Variants in CDH7 observed in about 807,000 individuals in gnomAD.
CDH7 encodes the protein cadherin 7, also known as cadherin-7.
In CDH7, 25 loss-of-function variants were observed where a neutral mutation model predicts 71.8. That is an observed-to-expected ratio of 0.35 (90% CI 0.25 to 0.49). CDH7 has a LOEUF of 0.49. Ranked by LOEUF, CDH7 falls within the 20% of genes least tolerant of loss-of-function variation. CDH7 has a pLI of 0.99. For missense variants in CDH7, 862 were observed against 974.6 expected, an observed-to-expected ratio of 0.88 and a Z score of 1.54; for synonymous variants, 381 against 363.8, an observed-to-expected ratio of 1.05 and a Z score of -0.54.
At chr18:65,831,716 T>A (rs1912355492) in intron 6 of CDH7, among the ~76,000 whole-genome samples, 1 of 152,050 alleles carries the variant, frequency 6.6e-6, no homozygotes, top group Non-Finnish European at 1.5e-5. Flanking sequence ...AATTTCCATA[T>A]TCTTTCCCTA....
intron 6 of CDH7, among the ~76,000 whole-genome samples, chr18:65,835,214 A>G (rs1195316243): frequency 1.3e-5 from 2 of 152,128 alleles, no homozygotes; most frequent in African/African-American, 4.8e-5. Flanking sequence ...ACATGTCATC[A>G]TTTCTGCCAC....
At chr18:65,850,605 T>C (rs1307176791) in intron 7 of CDH7, among the ~76,000 whole-genome samples, 1 of 139,092 alleles carries the variant, frequency 7.2e-6, no homozygotes, top group Non-Finnish European at 1.6e-5. Context: ...ATTATTATTA[T>C]TATTATTATT....
intron 2 of CDH7, among the ~76,000 whole-genome samples, chr18:65,789,475 GT>G (rs35493014): frequency 4.1e-5 from 6 of 146,900 alleles, no homozygotes; most frequent in East Asian, 2.0e-4. Flanking sequence ...TTTTTTGTTT[GT>G]TTTTTTTTGT....
chr18:65,817,373 C>T (rs560341941), intron 4 of CDH7, among the ~76,000 whole-genome samples: 88 of 152,246 alleles, frequency 5.8e-4, no homozygotes, highest in South Asian at 1.2e-3. Flanking sequence ...AGAACATCCC[C>T]TACAGGTTGC....
rs182075797 is a variant in CDH7, at chr18:65,825,674, C to G, written c.981+843C>G. On this transcript the variant is annotated intron_variant, in intron 6 of 11. Coordinates refer to ENST00000397968, the MANE Select transcript of CDH7 (RefSeq NM_004361.5). ...CCAGTGTATAACTTTGTAATTAATACTTTTCAATAATTAGCACATATCAAT... is the reference window on the plus strand; with the variant it reads ...CCAGTGTATAACTTTGTAATTAATAGTTTTCAATAATTAGCACATATCAAT... 4.0e-5 allele frequency among the ~76,000 whole-genome samples: 6 copies of G among 151,828 alleles called. No homozygotes were observed. In the East Asian group the frequency reaches 9.7e-4, roughly 24 times the overall value.
intron 10 of CDH7, among the ~76,000 whole-genome samples, chr18:65,860,793 C>G (rs945028273): frequency 6.6e-6 from 1 of 152,124 alleles, no homozygotes; most frequent in Non-Finnish European, 1.5e-5. Context: ...AAGCCATCAC[C>G]TTATTTAGTG....
chr18:65,771,737 A>G (rs1916549400), intron 2 of CDH7, among the ~76,000 whole-genome samples: 1 of 151,744 alleles, frequency 6.6e-6, no homozygotes, highest in Admixed American at 6.6e-5. Context: ...AATTTTACCC[A>G]CGTTTGCTTC....
At chr18:65,846,433 G>C (rs1912937785) in intron 7 of CDH7, among the ~76,000 whole-genome samples, 1 of 152,108 alleles carries the variant, frequency 6.6e-6, no homozygotes, top group African/African-American at 2.4e-5. Flanking sequence ...TTTGTCCCCA[G>C]TGAATTAAAA....
chr18:65,848,058 T>C (rs751953688), intron 7 of CDH7, among the ~76,000 whole-genome samples: 1 of 152,074 alleles, frequency 6.6e-6, no homozygotes, highest in Non-Finnish European at 1.5e-5. Context: ...TATCATATCA[T>C]GTAAATTTTG....
At chr18:65,860,946 C>G (rs908765644) in intron 10 of CDH7, among the ~76,000 whole-genome samples, 9 of 152,158 alleles carry the variant, frequency 5.9e-5, no homozygotes, top group African/African-American at 2.2e-4. Context: ...ACCTGGGTAA[C>G]TCCAGACTCA....
intron 1 of CDH7, among the ~76,000 whole-genome samples, chr18:65,760,382 C>T (rs1916156569): frequency 6.6e-6 from 1 of 152,134 alleles, no homozygotes; most frequent in Non-Finnish European, 1.5e-5. Flanking sequence ...ACAGTCTTTA[C>T]TGGTAACTAA....
intron 2 of CDH7, among the ~76,000 whole-genome samples, chr18:65,802,351 C>T (rs1911153496): frequency 6.6e-6 from 1 of 152,074 alleles, no homozygotes; most frequent in South Asian, 2.1e-4. Context: ...TATTTGGGTT[C>T]AACAGACATG....
At chr18:65,855,389 CA>C (rs1913318141) in intron 7 of CDH7, among the ~76,000 whole-genome samples, 1 of 147,798 alleles carries the variant, frequency 6.8e-6, no homozygotes. Flanking sequence ...ATATTAAGAA[CA>C]AAAGAGGAGA....
At chr18:65,863,061 G>A (rs541617377) in intron 11 of CDH7, 144 bp downstream of exon 11, 4 of 888,820 alleles carry the variant, frequency 4.5e-6, no homozygotes, top group East Asian at 5.2e-5. Flanking sequence ...TCTTTGAGAC[G>A]GGGTCTCACT....
chr18:65,836,621 C>G (rs1912541120), intron 6 of CDH7, among the ~76,000 whole-genome samples: 1 of 151,912 alleles, frequency 6.6e-6, no homozygotes, highest in South Asian at 2.1e-4. Context: ...TGGTAATAAT[C>G]CATTTGCAAG....
intron 6 of CDH7, among the ~76,000 whole-genome samples, chr18:65,841,740 C>T (rs1189830228): frequency 6.6e-6 from 1 of 152,032 alleles, no homozygotes; most frequent in African/African-American, 2.4e-5. Flanking sequence ...GACGAGCCTT[C>T]TAAAAATATA....
chr18:65,830,729 T>C (rs527693500), intron 6 of CDH7, among the ~76,000 whole-genome samples: 86 of 147,668 alleles, frequency 5.8e-4, no homozygotes, highest in African/African-American at 1.8e-3. Context: ...CTCTCTCTCT[T>C]TCTTTCTTTC....
chr18:65,877,040 A>G (rs933756776), intron 11 of CDH7, among the ~76,000 whole-genome samples: 8 of 152,212 alleles, frequency 5.3e-5, no homozygotes, highest in African/African-American at 1.9e-4. Flanking sequence ...TATTCTTCTT[A>G]ATACAGTGAT....
chr18:65,827,355 A>G (rs890514145), intron 6 of CDH7, among the ~76,000 whole-genome samples: 3 of 151,878 alleles, frequency 2.0e-5, no homozygotes, highest in African/African-American at 7.2e-5. Context: ...TCATAATATT[A>G]CTTCTGTGTC....
Sources: gnomAD v4.1 joint callset for allele counts (sites outside exome capture counted in the v4.1 genomes callset) on GRCh38, gnomAD v4.1.1 for gene constraint, MANE v1.5 for transcripts, NCBI Gene and HGNC (gene_info 2026-07-23, HGNC 2026-07-21) for gene names.